The following TTPAL variants were observed in gnomAD, a reference collection of about 807,000 sequenced individuals.
The protein encoded by TTPAL is alpha-tocopherol transfer protein-like.
TTPAL carries 21 observed loss-of-function variants against 28.7 expected under a neutral mutation model. That is an observed-to-expected ratio of 0.73 (90% CI 0.52 to 1.06). The LOEUF is 1.06. Ranked by LOEUF, TTPAL falls within the 50% of genes least tolerant of loss-of-function variation. The probability of loss-of-function intolerance (pLI) is 0.00; values close to 1 mark genes in which losing one functional copy is unlikely to be tolerated. For synonymous variants in TTPAL, 169 were observed against 171.9 expected (o/e 0.98, Z 0.13); for missense variants, 345 against 425.5 (o/e 0.81, Z 1.67).
At chr20:44,477,317 A>G (rs73909520) in intron 1 of TTPAL, among the ~76,000 whole-genome samples, 1 of 152,340 alleles carries the variant, frequency 6.6e-6, no homozygotes, top group African/African-American at 2.4e-5. Context: ...ACCAGACTAA[A>G]GTCATTCAAC....
rs2064229140 is a variant in TTPAL at position 44,493,755 on chromosome 20, C to G, written c.*4214C>G. ...AAATCTAAATTCTTCTGCTCTTGGC[C>G]AGGTGCAGTAGTTCATGCCCTGTAA... is the stretch of plus-strand genomic sequence containing the variant. On this transcript the variant is annotated 3_prime_UTR_variant, in exon 5 of 5. Transcript: ENST00000262605. 1 of 152,238 alleles carries G rather than the reference C, an allele frequency of 6.6e-6. No homozygotes were observed. Among genetic ancestry groups the G allele is most frequent in the Admixed American group, 6.5e-5 (1 of 15,274 alleles). 9.4% of individuals were successfully genotyped at this position (152,238 alleles called of 1,614,324 possible). A position where few individuals can be genotyped will look rare whatever the true frequency, so the allele number is the denominator to read the frequency against.
At chr20:44,479,396 GTTGT>G (rs2064078590) in intron 1 of TTPAL, among the ~76,000 whole-genome samples, 5 of 119,158 alleles carry the variant, frequency 4.2e-5, no homozygotes, top group Middle Eastern at 4.5e-3. Flanking sequence ...CTGAATCTGA[GTTGT>G]TTTTTTTTTT....
rs1029052677 is a variant in TTPAL, at chr20:44,490,778, C to G, written c.*1237C>G. On this transcript the variant is annotated 3_prime_UTR_variant, in exon 5 of 5. Coordinates refer to ENST00000262605, the MANE Select transcript of TTPAL (RefSeq NM_001039199.3). ...CTACAGTAGTTAATTACTTGAGATT[C>G]TTTAATTTTGGTCTCTGAGCTGGGC... 6.6e-6 allele frequency: 1 copy of G among 152,152 alleles called. No individual in the cohort carries two copies. The highest frequency in any genetic ancestry group is 2.4e-5 in the African/African-American group (1 of 41,370). 9.4% of individuals were successfully genotyped at this position (152,152 alleles called of 1,614,324 possible).
chr20:44,481,926 A>G (rs2064108976), intron 2 of TTPAL, among the ~76,000 whole-genome samples: 1 of 152,162 alleles, frequency 6.6e-6, no homozygotes, highest in African/African-American at 2.4e-5. Context: ...TCTGTACTCA[A>G]CTCATAAGAA....
intron 3 of TTPAL, chr20:44,485,812 T>C (rs1439338842): frequency 1.3e-5 from 2 of 152,236 alleles, no homozygotes; most frequent in Non-Finnish European, 2.9e-5. Context: ...CTGTATAGCA[T>C]GTCCCTTTCT....
chr20:44,478,694 G>C (rs1272835737), intron 1 of TTPAL: 1 of 152,240 alleles, frequency 6.6e-6, no homozygotes, highest in Non-Finnish European at 1.5e-5. Flanking sequence ...GCATTCACAA[G>C]TGTATGTGTA....
In TTPAL at chr20:44,493,805, G is replaced by A. The variant is rs527884495; in HGVS notation, c.*4264G>A. The A allele has an allele frequency of 6.6e-6, 1 of 152,354 alleles. No homozygotes were observed. Among genetic ancestry groups the A allele is most frequent in the Non-Finnish European group, 1.5e-5 (1 of 68,054 alleles). 9.4% of individuals were successfully genotyped at this position (152,354 alleles called of 1,614,324 possible). A position where few individuals can be genotyped will look rare whatever the true frequency, so the allele number is the denominator to read the frequency against. On this transcript the variant is annotated 3_prime_UTR_variant, in exon 5 of 5. Transcript: ENST00000262605. The stretch of plus-strand genomic sequence containing the variant: ...ATCCTAGAACTTTGGGAGGCTGAAG[G>A]GGGGGCGGATCATTTGAGGTCAGGA...
At chr20:44,487,335 A>G (rs964111981) in intron 4 of TTPAL, among the ~76,000 whole-genome samples, 2 of 151,724 alleles carry the variant, frequency 1.3e-5, no homozygotes, top group African/African-American at 4.8e-5. Flanking sequence ...TCCACTACTC[A>G]GGAGGCTGAG....
chr20:44,492,471 G>C lies in TTPAL; in HGVS notation c.*2930G>C, dbSNP rs567345980. 3.9e-4 allele frequency: 59 copies of C among 152,328 alleles called. No homozygotes were observed. The highest frequency in any genetic ancestry group is 1.3e-3 in the African/African-American group (55 of 41,506). 9.4% of individuals were successfully genotyped at this position (152,328 alleles called of 1,614,324 possible). On this transcript the variant is annotated 3_prime_UTR_variant, in exon 5 of 5. Coordinates refer to ENST00000262605, the MANE Select transcript of TTPAL (RefSeq NM_001039199.3). ...TTACTACGTGGCCTTTGATGAGCTG[G>C]CTTAACATCCCTGAGTGATTCCATG...
chr20:44,486,836 A>G, intron 4 of TTPAL, 130 bp downstream of exon 4: 2 of 597,204 alleles, frequency 3.3e-6, no homozygotes, highest in South Asian at 4.1e-5. Context: ...CAGATAAAAT[A>G]AATGAACAGT....
Position 44,490,337 on chromosome 20 carries a change from C to G in TTPAL, c.*796C>G, listed in dbSNP as rs1048705096. 7 of 152,328 alleles carry G rather than the reference C, an allele frequency of 4.6e-5. No homozygotes were observed. The highest frequency in any genetic ancestry group is 1.7e-4 in the African/African-American group (7 of 41,438). 9.4% of individuals were successfully genotyped at this position (152,328 alleles called of 1,614,324 possible). A position where few individuals can be genotyped will look rare whatever the true frequency, so the allele number is the denominator to read the frequency against. On this transcript the variant is annotated 3_prime_UTR_variant, in exon 5 of 5. Transcript: ENST00000262605. Reference sequence around the variant, plus strand: ...CCCGTGTAGCTATAAGAATTCTGGCCTGGATCCCAGGTGTACAACTATGGA... The same window carrying G: ...CCCGTGTAGCTATAAGAATTCTGGCGTGGATCCCAGGTGTACAACTATGGA...
intron 4 of TTPAL, among the ~76,000 whole-genome samples, chr20:44,487,165 G>A (rs1405079277): frequency 1.3e-5 from 2 of 152,014 alleles, no homozygotes; most frequent in Non-Finnish European, 2.9e-5. Flanking sequence ...GCCTGTAATT[G>A]CAGCTACTTG....
chr20:44,483,801 CT>C (rs1348259565), intron 2 of TTPAL, among the ~76,000 whole-genome samples: 2 of 151,952 alleles, frequency 1.3e-5, no homozygotes, highest in Admixed American at 1.3e-4. Flanking sequence ...AGAGTGCATA[CT>C]TTTTTTTATA....
intron 4 of TTPAL, 65 bp downstream of exon 4, chr20:44,486,771 G>C: frequency 1.1e-6 from 1 of 918,088 alleles, no homozygotes; most frequent in Non-Finnish European, 1.7e-6. Flanking sequence ...GTGACATCTG[G>C]TACTTGTTTA....
chr20:44,481,729 C>G (rs183121002), intron 2 of TTPAL, among the ~76,000 whole-genome samples: 4 of 152,324 alleles, frequency 2.6e-5, no homozygotes, highest in Admixed American at 6.5e-5. Context: ...TCCCCAAACT[C>G]TCTTTGGAGG....
At chr20:44,482,262 A>G (rs2064112180) in intron 2 of TTPAL, among the ~76,000 whole-genome samples, 1 of 152,148 alleles carries the variant, frequency 6.6e-6, no homozygotes, top group Non-Finnish European at 1.5e-5. Flanking sequence ...TTTTGCACAT[A>G]TCAGGTCAGG....
chr20:44,489,799 C>T lies in TTPAL; in HGVS notation c.*258C>T. ...CAGTCTGCAACTATTAATCTGGAGG[C>T]TATATCTATTTTGTTTTGCTTTTTG... On this transcript the variant is annotated 3_prime_UTR_variant, in exon 5 of 5. Coordinates refer to ENST00000262605, the MANE Select transcript of TTPAL (RefSeq NM_001039199.3). 2.2e-6 allele frequency: 1 copy of T among 456,380 alleles called. No homozygotes were observed. Among genetic ancestry groups the T allele is most frequent in the South Asian group, 3.4e-5 (1 of 29,432 alleles). 28.3% of individuals were successfully genotyped at this position (456,380 alleles called of 1,614,324 possible).
chr20:44,491,811 TAAAC>T lies in TTPAL; in HGVS notation c.*2274_*2277del, dbSNP rs1235679706. The T allele has an allele frequency of 2.6e-5, 4 of 152,336 alleles. No individual in the cohort carries two copies. Among genetic ancestry groups the T allele is most frequent in the East Asian group, 1.9e-4 (1 of 5,324 alleles). The allele number at this position is 152,336 out of a possible 1,614,324, so 9.4% of individuals were successfully genotyped here. On this transcript the variant is annotated 3_prime_UTR_variant, in exon 5 of 5. Transcript: ENST00000262605. ...AGGCTTCCCCAAGAGGGAAGACAGA[TAAAC>T]AAAACAAAACAAAAACTGGGTAAAG...
At chr20:44,489,162 C>T (rs2064179673) in intron 4 of TTPAL, 101 bp from the exon 5 acceptor site, 1 of 1,334,790 alleles carries the variant, frequency 7.5e-7, no homozygotes, top group East Asian at 2.4e-5. Context: ...CATTTCCTTT[C>T]TTCATTCAAC....
Sources: gnomAD v4.1 joint callset for allele counts (sites outside exome capture counted in the v4.1 genomes callset) on GRCh38, gnomAD v4.1.1 for gene constraint, MANE v1.5 for transcripts, NCBI Gene and HGNC (gene_info 2026-07-23, HGNC 2026-07-21) for gene names.